AGBL4: variants seen among roughly 807,000 people sequenced by gnomAD.
AGBL4 encodes cytosolic carboxypeptidase 6.
Under a neutral mutation model 66.4 loss-of-function variants are expected in AGBL4, and 58 were observed. The ratio of observed to expected loss-of-function variants is 0.87; its 90% CI spans 0.71 to 1.09. AGBL4 has a LOEUF of 1.09. Ranked by LOEUF, AGBL4 falls within the 50% of genes least tolerant of loss-of-function variation. The pLI is 0.00. For missense variants in AGBL4, 579 were observed against 631.0 expected, an observed-to-expected ratio of 0.92 and a Z score of 0.88; for synonymous variants, 234 against 222.9, an observed-to-expected ratio of 1.05 and a Z score of -0.44.
chr1:49,144,119 G>A (rs1646169578), intron 4 of AGBL4, among the ~76,000 whole-genome samples: 9 of 152,124 alleles, frequency 5.9e-5, no homozygotes, highest in Admixed American at 5.9e-4. Flanking sequence ...CATGACATGA[G>A]GCATCTAGTG....
intron 3 of AGBL4, among the ~76,000 whole-genome samples, chr1:49,478,330 A>G (rs1646886259): frequency 6.6e-6 from 1 of 152,022 alleles, no homozygotes; most frequent in Non-Finnish European, 1.5e-5. Context: ...AAGAAGAAGA[A>G]GGAGAAGAAA....
At chr1:49,372,635 CTTT>C in intron 3 of AGBL4, among the ~76,000 whole-genome samples, 1 of 131,410 alleles carries the variant, frequency 7.6e-6, no homozygotes. Flanking sequence ...TTCTTTCTTT[CTTT>C]CTTTCTTTCT....
chr1:49,235,958 C>T lies in AGBL4; in HGVS notation c.377+9812G>A, dbSNP rs139644332. Among the ~76,000 whole-genome samples the T allele has an allele frequency of 5.1e-4, 78 of 152,056 alleles. 1 individual carries two copies. The highest frequency in any genetic ancestry group is 1.7e-3 in the African/African-American group (70 of 41,478). ...CCACCCTACCCTATTTCTAGTTGAA[C>T]ATGTTTCTTTTTCTCAGGTCAAATT... On this transcript the variant is annotated intron_variant, in intron 4 of 13. Coordinates refer to ENST00000371839, the MANE Select transcript of AGBL4 (RefSeq NM_032785.4).
intron 1 of AGBL4, among the ~76,000 whole-genome samples, chr1:50,023,403 C>CAGGGCAGTGTACACCCTTTCCATG (rs1662590295): frequency 2.0e-5 from 3 of 152,192 alleles, no homozygotes; most frequent in African/African-American, 7.2e-5. Flanking sequence ...CATGCTCCCA[C>CAGGGCAGTGTACACCCTTTCCATG]AGGGCAGTGT....
intron 3 of AGBL4, among the ~76,000 whole-genome samples, chr1:49,397,370 A>G (rs1644995083): frequency 6.6e-6 from 1 of 152,194 alleles, no homozygotes; most frequent in African/African-American, 2.4e-5. Context: ...TTAGGTATGC[A>G]TGTATCTTTA....
At chr1:49,939,455 C>T (rs1202280134) in intron 1 of AGBL4, among the ~76,000 whole-genome samples, 1 of 152,032 alleles carries the variant, frequency 6.6e-6, no homozygotes, top group East Asian at 1.9e-4. Context: ...TCAAACTATA[C>T]TACAAGGCTA....
chr1:49,830,277 T>C (rs986430771), intron 2 of AGBL4, among the ~76,000 whole-genome samples: 4 of 151,716 alleles, frequency 2.6e-5, no homozygotes, highest in Admixed American at 6.5e-5. Context: ...CTCCAGCATG[T>C]TATCTCCTGA....
chr1:49,798,860 C>T (rs946505549), intron 2 of AGBL4, among the ~76,000 whole-genome samples: 22 of 151,938 alleles, frequency 1.4e-4, no homozygotes, highest in Admixed American at 1.4e-3. Context: ...TGTTAATCAC[C>T]ATGGAAAATG....
intron 6 of AGBL4, among the ~76,000 whole-genome samples, chr1:48,779,902 C>T (rs1465524684): frequency 7.9e-5 from 12 of 151,770 alleles, no homozygotes; most frequent in Non-Finnish European, 1.3e-4. Context: ...TTAGTAGAGA[C>T]GAGTTTTCAC....
chr1:49,829,838 A>G (rs1645611168), intron 2 of AGBL4, among the ~76,000 whole-genome samples: 2 of 151,676 alleles, frequency 1.3e-5, no homozygotes, highest in South Asian at 2.1e-4. Flanking sequence ...TCATTGTTCA[A>G]CTCCCACTAA....
intron 11 of AGBL4, among the ~76,000 whole-genome samples, chr1:48,567,871 T>C (rs1644501157): frequency 1.3e-5 from 2 of 152,266 alleles, no homozygotes; most frequent in Admixed American, 6.5e-5. Context: ...GTGAGGGGCT[T>C]CCTTCTGCTG....
chr1:49,355,088 A>T (rs1157302312), intron 3 of AGBL4, among the ~76,000 whole-genome samples: 1 of 152,202 alleles, frequency 6.6e-6, no homozygotes, highest in Non-Finnish European at 1.5e-5. Context: ...ACGGGGAGAA[A>T]ATGCAAACTC....
At chr1:49,895,729 T>TA (rs1303281394) in intron 1 of AGBL4, among the ~76,000 whole-genome samples, 1 of 151,728 alleles carries the variant, frequency 6.6e-6, no homozygotes, top group Non-Finnish European at 1.5e-5. Context: ...AATAAAAACA[T>TA]ACATGCAAAA....
At chr1:49,184,408 A>ATTT (rs1222112695) in intron 4 of AGBL4, among the ~76,000 whole-genome samples, 1 of 152,200 alleles carries the variant, frequency 6.6e-6, no homozygotes, top group African/African-American at 2.4e-5. Context: ...TATAGTGTAC[A>ATTT]TTGGCAAATT....
intron 3 of AGBL4, among the ~76,000 whole-genome samples, chr1:49,518,044 A>G (rs1230721426): frequency 6.6e-6 from 1 of 152,116 alleles, no homozygotes; most frequent in Non-Finnish European, 1.5e-5. Context: ...CATGCAGTCC[A>G]TAGACTGAAG....
intron 3 of AGBL4, among the ~76,000 whole-genome samples, chr1:49,602,903 T>C (rs1351568081): frequency 2.0e-5 from 3 of 152,062 alleles, no homozygotes; most frequent in Non-Finnish European, 2.9e-5. Context: ...AACTAACTTT[T>C]TACTGAGTAC....
intron 3 of AGBL4, among the ~76,000 whole-genome samples, chr1:49,414,013 G>A (rs541920898): frequency 7.2e-5 from 11 of 152,202 alleles, no homozygotes; most frequent in Non-Finnish European, 1.3e-4. Context: ...TATTAGGCAG[G>A]ATCATAAAGG....
At chr1:49,689,546 G>A (rs1056527327) in intron 3 of AGBL4, among the ~76,000 whole-genome samples, 4 of 152,066 alleles carry the variant, frequency 2.6e-5, no homozygotes, top group Non-Finnish European at 5.9e-5. Context: ...GATAGCTTTG[G>A]TTCTTCTGGG....
At chr1:48,855,889 A>G (rs1213094600) in intron 6 of AGBL4, among the ~76,000 whole-genome samples, 2 of 152,172 alleles carry the variant, frequency 1.3e-5, no homozygotes, top group Non-Finnish European at 2.9e-5. Context: ...ACCAAAATAT[A>G]GACAAAAACA....
Sources: allele counts gnomAD v4.1 joint callset (sites outside exome capture counted in the v4.1 genomes callset), GRCh38; gene constraint gnomAD v4.1.1; transcripts MANE v1.5; gene names NCBI Gene and HGNC (gene_info 2026-07-23, HGNC 2026-07-21).